Variants in BPIFA2 observed in about 807,000 individuals in gnomAD.
BPIFA2 encodes the protein BPI fold containing family A member 2, also known as BPI fold-containing family A member 2.
Under a neutral mutation model 25.7 loss-of-function variants are expected in BPIFA2, and 20 were observed. That is an observed-to-expected ratio of 0.78 (90% CI 0.55 to 1.13). The LOEUF is 1.13. Among genes scored for constraint, BPIFA2 ranks in the 50% most tolerant of loss-of-function variants. The probability of loss-of-function intolerance (pLI) is 0.00; values close to 1 mark genes in which losing one functional copy is unlikely to be tolerated. For synonymous variants in BPIFA2, 126 were observed against 124.3 expected, an observed-to-expected ratio of 1.01 and a Z score of -0.09; for missense variants, 300 against 298.1, an observed-to-expected ratio of 1.01 and a Z score of -0.05.
intron 5 of BPIFA2, among the ~76,000 whole-genome samples, chr20:33,177,935 G>T (rs1184102290): frequency 6.6e-6 from 1 of 152,186 alleles, no homozygotes. Flanking sequence ...TCTGCGCTGA[G>T]AATCTCATGA....
At chr20:33,178,388 G>C (rs1439765253) in intron 6 of BPIFA2, among the ~76,000 whole-genome samples, 160 bp downstream of exon 6, 2 of 152,146 alleles carry the variant, frequency 1.3e-5, no homozygotes, top group Non-Finnish European at 2.9e-5. Flanking sequence ...CAGCCTGGTG[G>C]GTAGCAGGGT....
At chr20:33,171,111 T>G (rs1445612847) in intron 2 of BPIFA2, among the ~76,000 whole-genome samples, 1 of 152,224 alleles carries the variant, frequency 6.6e-6, no homozygotes, top group African/African-American at 2.4e-5. Context: ...TTGGTACCAG[T>G]ACCATGCTGT....
At chr20:33,174,846 G>A (rs1265543977) in intron 4 of BPIFA2, among the ~76,000 whole-genome samples, 1 of 152,218 alleles carries the variant, frequency 6.6e-6, no homozygotes, top group Non-Finnish European at 1.5e-5. Flanking sequence ...GAGAGGTCGA[G>A]GCTGCAGTGA....
At chr20:33,179,382 A>G (rs1984192387) in intron 6 of BPIFA2, among the ~76,000 whole-genome samples, 1 of 151,588 alleles carries the variant, frequency 6.6e-6, no homozygotes, top group Non-Finnish European at 1.5e-5. Context: ...GTGAGCAGAA[A>G]TCGTACCACT....
intron 2 of BPIFA2, 128 bp from the exon 3 acceptor site, chr20:33,172,804 A>G (rs1983943260): frequency 9.6e-7 from 1 of 1,038,874 alleles, no homozygotes; most frequent in African/African-American, 1.7e-5. Context: ...CAGTGACAAT[A>G]TCTACTTCAC....
At chr20:33,172,310 A>T (rs980230143) in intron 2 of BPIFA2, among the ~76,000 whole-genome samples, 3 of 152,114 alleles carry the variant, frequency 2.0e-5, no homozygotes, top group African/African-American at 7.2e-5. Context: ...AACCTAGATG[A>T]CGGGTTGATA....
At chr20:33,167,815 G>A (rs183848329), upstream of BPIFA2, among the ~76,000 whole-genome samples, 151 of 152,290 alleles carry the variant, frequency 9.9e-4, no homozygotes, top group Non-Finnish European at 1.6e-3. Flanking sequence ...GAGTTAGACC[G>A]GATGGTCATT....
intron 4 of BPIFA2, 21 bp from the exon 5 acceptor site, chr20:33,175,386 T>C: frequency 1.2e-6 from 2 of 1,610,446 alleles, no homozygotes; most frequent in Non-Finnish European, 8.5e-7. Context: ...CTTTGTTCAC[T>C]GTGCATCTTA....
intron 7 of BPIFA2, among the ~76,000 whole-genome samples, chr20:33,180,315 G>A (rs1198038027): frequency 6.6e-6 from 1 of 152,156 alleles, no homozygotes; most frequent in Non-Finnish European, 1.5e-5. Flanking sequence ...TATCTCACTG[G>A]ATCCTTGCAA....
At chr20:33,180,385 C>A in intron 7 of BPIFA2, 135 bp from the exon 8 acceptor site, 1 of 908,742 alleles carries the variant, frequency 1.1e-6, no homozygotes, top group Non-Finnish European at 1.8e-6. Context: ...AACTGAAGCT[C>A]AGAGAGGTGG....
intron 5 of BPIFA2, among the ~76,000 whole-genome samples, chr20:33,177,111 T>C (rs1984105579): frequency 6.6e-6 from 1 of 152,120 alleles, no homozygotes; most frequent in African/African-American, 2.4e-5. Flanking sequence ...TCCCAGCACT[T>C]TGGGAGGCTG....
Position 33,174,178 on chromosome 20 carries a change from T to G in BPIFA2, c.402T>G (p.Thr134=). Residue 134 remains threonine (T), a synonymous_variant, in exon 4 of 9, where the codon ACT becomes ACG. Coordinates refer to ENST00000354932, the MANE Select transcript of BPIFA2 (RefSeq NM_080574.4). ...GCTTCCCTGTCACCGCGAATGTCAC[T>G]GTGGCCGGGTGAGTATGCACTAGAA... ...NLSFPVTANV[T]VAGPIIGQII... 1.2e-6 allele frequency: 2 copies of G among 1,614,006 alleles called. No homozygotes were observed. Among genetic ancestry groups the G allele is most frequent in the African/African-American group, 1.3e-5 (1 of 75,030 alleles).
upstream of BPIFA2, among the ~76,000 whole-genome samples, chr20:33,163,545 G>A (rs929190668): frequency 5.9e-5 from 9 of 152,162 alleles, no homozygotes; most frequent in Admixed American, 3.9e-4. Context: ...CAGTGCTGCC[G>A]GGCACGGTGG....
rs769147974 is a variant in BPIFA2, at chr20:33,172,986, G to A, written c.212G>A (p.Trp71Ter). 6.2e-7 allele frequency: 1 copy of A among 1,614,088 alleles called. No individual in the cohort carries two copies. The highest frequency in any genetic ancestry group is 8.5e-7 in the Non-Finnish European group (1 of 1,180,004). Residue 71 changes from tryptophan (W) to a stop codon, truncating the protein, a stop_gained, in exon 3 of 9, where the codon TGG (tryptophan) becomes TAG (stop). Coordinates refer to ENST00000354932, the MANE Select transcript of BPIFA2 (RefSeq NM_080574.4). LOFTEE classifies it high-confidence loss of function. Reference sequence around the variant, plus strand: ...GGAGTGCTTCAGAAATCCAGTGCTTGGCAACTGGCCAAGCAGAAGGCCCAG... The same window carrying A: ...GGAGTGCTTCAGAAATCCAGTGCTTAGCAACTGGCCAAGCAGAAGGCCCAG... ...DLGVLQKSSA[W>*]QLAKQKAQEA...
At chr20:33,179,838 T>C (rs1170231492) in intron 7 of BPIFA2, among the ~76,000 whole-genome samples, 171 bp downstream of exon 7, 1 of 152,200 alleles carries the variant, frequency 6.6e-6, no homozygotes, top group Non-Finnish European at 1.5e-5. Flanking sequence ...CTTTGGCTTT[T>C]GGGTCTACAG....
intron 5 of BPIFA2, among the ~76,000 whole-genome samples, chr20:33,177,309 C>T (rs1422376489): frequency 6.6e-6 from 1 of 151,036 alleles, no homozygotes; most frequent in East Asian, 1.9e-4. Flanking sequence ...GAGCCGAGAT[C>T]GTGCCACTGC....
chr20:33,175,918 T>A (rs192753708), intron 5 of BPIFA2, among the ~76,000 whole-genome samples: 12 of 152,314 alleles, frequency 7.9e-5, no homozygotes, highest in Middle Eastern at 3.4e-3. Context: ...ACCATAATCA[T>A]GGATTTGTTC....
At chr20:33,170,654 G>A (rs558296290) in intron 2 of BPIFA2, among the ~76,000 whole-genome samples, 9 of 152,190 alleles carry the variant, frequency 5.9e-5, no homozygotes, top group South Asian at 2.1e-4. Context: ...TTGGCCTCCC[G>A]AAGTACTGGG....
At chr20:33,172,647 T>C (rs777770533) in intron 2 of BPIFA2, among the ~76,000 whole-genome samples, 5 of 152,142 alleles carry the variant, frequency 3.3e-5, no homozygotes, top group Non-Finnish European at 7.3e-5. Flanking sequence ...CCTGGCCAAC[T>C]GGTTGATTGC....
Sources: gnomAD v4.1 joint callset for allele counts (sites outside exome capture counted in the v4.1 genomes callset) on GRCh38, gnomAD v4.1.1 for gene constraint, MANE v1.5 for transcripts, NCBI Gene and HGNC (gene_info 2026-07-23, HGNC 2026-07-21) for gene names.